The following FILIP1 variants were observed in gnomAD, a reference collection of about 807,000 sequenced individuals.
The protein encoded by FILIP1 is filamin A interacting protein 1.
Under a neutral mutation model 102.1 loss-of-function variants are expected in FILIP1, and 61 were observed. That is an observed-to-expected ratio of 0.60 (90% CI 0.49 to 0.74). FILIP1 has a LOEUF of 0.74. Among genes scored for constraint, FILIP1 ranks in the 30% least tolerant of loss-of-function variants. The pLI is 0.00. For synonymous variants in FILIP1, 491 were observed against 526.9 expected (o/e 0.93, Z 0.93); for missense variants, 1,314 against 1,441.2 (o/e 0.91, Z 1.43).
At chr6:75,396,530 C>T (rs944766448) in intron 2 of FILIP1, among the ~76,000 whole-genome samples, 1 of 151,904 alleles carries the variant, frequency 6.6e-6, no homozygotes, top group Non-Finnish European at 1.5e-5. Flanking sequence ...TCAATTATAC[C>T]CTTGTTAGTT....
intron 1 of FILIP1, among the ~76,000 whole-genome samples, chr6:75,456,740 A>G (rs1307398548): frequency 1.3e-5 from 2 of 151,898 alleles, no homozygotes; most frequent in Non-Finnish European, 1.5e-5. Context: ...TTGTATTTTT[A>G]GTAGAGACGG....
intron 1 of FILIP1, among the ~76,000 whole-genome samples, chr6:75,490,224 G>A (rs1372122321): frequency 6.6e-6 from 1 of 152,136 alleles, no homozygotes; most frequent in African/African-American, 2.4e-5. Flanking sequence ...AATTTCATTG[G>A]AAAATTCCAT....
chr6:75,365,200 A>T (rs1775289602), intron 2 of FILIP1, among the ~76,000 whole-genome samples: 1 of 134,144 alleles, frequency 7.5e-6, no homozygotes, highest in African/African-American at 3.2e-5. Context: ...TTGAAAAAAT[A>T]AATAAATAAA....
At chr6:75,428,624 G>A (rs1420103952) in intron 1 of FILIP1, among the ~76,000 whole-genome samples, 1 of 152,146 alleles carries the variant, frequency 6.6e-6, no homozygotes, top group Non-Finnish European at 1.5e-5. Context: ...CAGCAACTCT[G>A]CCTTCTCAAA....
intron 4 of FILIP1, among the ~76,000 whole-genome samples, chr6:75,323,452 T>G (rs1773729956): frequency 6.6e-6 from 1 of 152,198 alleles, no homozygotes; most frequent in African/African-American, 2.4e-5. Context: ...AAACAAATAT[T>G]ACTAGCGAGT....
rs550184367 is a variant in FILIP1, at chr6:75,341,221, T to C, written c.629+12318A>G. 5.0e-4 allele frequency among the ~76,000 whole-genome samples: 75 copies of C among 150,712 alleles called. 1 individual carries two copies. The highest frequency in any genetic ancestry group is 8.4e-4 in the Non-Finnish European group (57 of 67,632). On this transcript the variant is annotated intron_variant, in intron 4 of 5. Coordinates refer to ENST00000237172, the MANE Select transcript of FILIP1 (RefSeq NM_015687.5). ...TGTTACCCAGGCTGGAGTGCAGTGGTGCAATCTCAGTTCACTGCAACCTCT... is the reference window on the plus strand; with the variant it reads ...TGTTACCCAGGCTGGAGTGCAGTGGCGCAATCTCAGTTCACTGCAACCTCT...
intron 4 of FILIP1, among the ~76,000 whole-genome samples, chr6:75,337,031 A>G (rs1183229648): frequency 6.6e-6 from 1 of 152,118 alleles, no homozygotes; most frequent in Non-Finnish European, 1.5e-5. Context: ...TCACTCATTC[A>G]ACAAATACTT....
intron 1 of FILIP1, among the ~76,000 whole-genome samples, chr6:75,474,377 T>C (rs1403167891): frequency 1.3e-5 from 2 of 152,166 alleles, no homozygotes; most frequent in African/African-American, 2.4e-5. Context: ...GCTACAATCA[T>C]ATACCTGTGA....
Position 75,488,298 on chromosome 6 carries a change from T to C in FILIP1, c.-7+5116A>G, listed in dbSNP as rs536867088. On this transcript the variant is annotated intron_variant, in intron 1 of 5. Coordinates refer to ENST00000237172, the MANE Select transcript of FILIP1 (RefSeq NM_015687.5). ...GCCAGCTAAAGCTGCTCAATTCATGTATGACTTTCCTTATTCTAAATTCTT... is the reference window on the plus strand; with the variant it reads ...GCCAGCTAAAGCTGCTCAATTCATGCATGACTTTCCTTATTCTAAATTCTT... 4.6e-5 allele frequency among the ~76,000 whole-genome samples: 7 copies of C among 152,288 alleles called. No homozygotes were observed. The East Asian group carries it at 1.2e-3, about 25-fold the overall frequency.
chr6:75,317,878 C>T (rs1222235975), intron 4 of FILIP1, among the ~76,000 whole-genome samples: 1 of 152,194 alleles, frequency 6.6e-6, no homozygotes, highest in Non-Finnish European at 1.5e-5. Context: ...GGTAAAGTTG[C>T]TCAGCTCATT....
chr6:75,376,540 A>G (rs1448611422), intron 2 of FILIP1, among the ~76,000 whole-genome samples: 1 of 152,178 alleles, frequency 6.6e-6, no homozygotes, highest in South Asian at 2.1e-4. Context: ...TGAGAATGAA[A>G]TATCTGTGAA....
intron 1 of FILIP1, among the ~76,000 whole-genome samples, chr6:75,450,627 G>C (rs1286728229): frequency 2.3e-5 from 3 of 129,598 alleles, no homozygotes; most frequent in African/African-American, 8.8e-5. Flanking sequence ...CTGGGGAACA[G>C]AATAAGAACT....
intron 1 of FILIP1, among the ~76,000 whole-genome samples, chr6:75,421,444 T>A (rs1777460997): frequency 6.6e-6 from 1 of 152,142 alleles, no homozygotes; most frequent in African/African-American, 2.4e-5. Context: ...ATGGTATATG[T>A]TTAGGAAATA....
chr6:75,313,466 C>A lies in FILIP1; in HGVS notation c.2366G>T (p.Ser789Ile). ...ATCCACCATTCTTCTTCCATTCACA[C>A]TGGGCCTAAGAGCTCTGCTGTAGCG... ...SKRYSRALRPSVNGRRMVDVP... is the reference protein window; with the variant it reads ...SKRYSRALRPIVNGRRMVDVP... The change falls in exon 5 of 6, where the codon AGT becomes ATT. Residue 789 changes from serine to isoleucine, a missense_variant. Ser to Ile is a moderately radical substitution (Grantham distance 142, BLOSUM62 -2). Around this residue, in one of 3 missense-constraint regions of FILIP1, gnomAD observed 816 missense variants for 913.1 expected, o/e 0.89. Transcript: ENST00000237172. The surrounding 1 kb of genome is among the most constrained non-coding windows in gnomAD (Gnocchi z 4.2). 1 of 1,614,220 alleles carries A rather than the reference C, an allele frequency of 6.2e-7. No individual in the cohort carries two copies. Among genetic ancestry groups the A allele is most frequent in the Non-Finnish European group, 8.5e-7 (1 of 1,180,050 alleles).
rs564755028 is a variant in FILIP1 at position 75,491,363 on chromosome 6, G to A, written c.-7+2051C>T. On this transcript the variant is annotated intron_variant, in intron 1 of 5. Transcript: ENST00000237172. ...GTATTGAGACTGGAAAAGTTAAGTA[G>A]GTGCCAGATGATGGAAGGTTTTCAA... 6.6e-5 allele frequency among the ~76,000 whole-genome samples: 10 copies of A among 152,278 alleles called. No homozygotes were observed. The South Asian group carries it at 2.1e-3, about 32-fold the overall frequency.
intron 6 of FILIP1, among the ~76,000 whole-genome samples, chr6:75,301,644 T>C (rs898721579): frequency 3.3e-5 from 5 of 152,210 alleles, no homozygotes; most frequent in Non-Finnish European, 7.3e-5. Context: ...TGTAGCAGGA[T>C]CTTGCAAGGT....
rs536476982 is a variant in FILIP1 at position 75,416,940 on chromosome 6, A to T, written c.-6-1962T>A. 7.9e-5 allele frequency among the ~76,000 whole-genome samples: 12 copies of T among 152,264 alleles called. No individual in the cohort carries two copies. In the East Asian group the frequency reaches 1.7e-3, roughly 22 times the overall value. On this transcript the variant is annotated intron_variant, in intron 1 of 5. Transcript: ENST00000237172. Reference sequence around the variant, plus strand: ...TACTCAATCACAATTATATCTGCAAACATACAGAAAATAATCTATTAGTAT... The same window carrying T: ...TACTCAATCACAATTATATCTGCAATCATACAGAAAATAATCTATTAGTAT...
At chr6:75,473,348 G>A (rs1179168917) in intron 1 of FILIP1, among the ~76,000 whole-genome samples, 1 of 152,122 alleles carries the variant, frequency 6.6e-6, no homozygotes, top group African/African-American at 2.4e-5. Flanking sequence ...AGACATTTCT[G>A]GGACAACTGA....
chr6:75,333,971 C>T (rs1026105107), intron 4 of FILIP1, among the ~76,000 whole-genome samples: 8 of 152,188 alleles, frequency 5.3e-5, no homozygotes, highest in African/African-American at 1.4e-4. Context: ...AGAACAAACA[C>T]GGCTTTCTTT....
Sources: gnomAD v4.1 joint callset for allele counts (sites outside exome capture counted in the v4.1 genomes callset) on GRCh38, gnomAD v4.1.1 for gene constraint, gnomAD v4.1.1 regional missense constraint, Gnocchi (gnomAD v3.1) non-coding constraint, MANE v1.5 for transcripts, NCBI Gene and HGNC (gene_info 2026-07-23, HGNC 2026-07-21) for gene names.